CTDSPL: variants seen among roughly 807,000 people sequenced by gnomAD.
CTDSPL encodes the protein CTD small phosphatase like, also known as CTD small phosphatase-like protein.
Under a neutral mutation model 30.5 loss-of-function variants are expected in CTDSPL, and 8 were observed. That is an observed-to-expected ratio of 0.26 (90% confidence interval 0.15 to 0.47). The LOEUF (loss-of-function observed/expected upper bound fraction) is 0.47. CTDSPL is among the 20% of genes least tolerant of loss of function. The pLI is 0.99. For missense variants in CTDSPL, 248 were observed against 366.1 expected (o/e 0.68, Z 2.63); for synonymous variants, 110 against 137.9 (o/e 0.80, Z 1.42).
chr3:37,977,536 A>G (rs1699442255), intron 7 of CTDSPL, among the ~76,000 whole-genome samples: 1 of 151,564 alleles, frequency 6.6e-6, no homozygotes, highest in South Asian at 2.1e-4. Flanking sequence ...TATATCCTCT[A>G]AACAAGTAAT....
intron 6 of CTDSPL, among the ~76,000 whole-genome samples, chr3:37,974,222 G>A (rs1422932585): frequency 6.6e-6 from 1 of 152,224 alleles, no homozygotes; most frequent in African/African-American, 2.4e-5. Context: ...GCAGATGACT[G>A]TAGTGCCCTG....
chr3:37,948,361 A>G (rs1699067068), intron 2 of CTDSPL, among the ~76,000 whole-genome samples: 2 of 152,254 alleles, frequency 1.3e-5, no homozygotes, highest in South Asian at 4.1e-4. Context: ...AAATTAAAAG[A>G]AAACAAGGGT....
intron 5 of CTDSPL, 152 bp from the exon 6 acceptor site, chr3:37,971,255 T>C: frequency 1.6e-6 from 1 of 644,976 alleles, no homozygotes; most frequent in South Asian, 1.9e-5. Context: ...CCATAGCCCC[T>C]CATACAGTCT....
chr3:37,881,046 G>T (rs1012823749), intron 1 of CTDSPL, among the ~76,000 whole-genome samples: 1 of 149,650 alleles, frequency 6.7e-6, no homozygotes, highest in Non-Finnish European at 1.5e-5. Flanking sequence ...AAGAAAGAAA[G>T]AAATGTACTG....
rs377342662 is a variant in CTDSPL, at chr3:37,951,172, C to G, written c.234+3961C>G. Among the ~76,000 whole-genome samples the G allele has an allele frequency of 1.3e-4, 19 of 150,924 alleles. No individual in the cohort carries two copies. The South Asian group carries it at 2.7e-3, about 22-fold the overall frequency. On this transcript the variant is annotated intron_variant, in intron 2 of 7. Transcript: ENST00000273179. ...CACGAGGTCAGGAGATCGAGACCAT[C>G]CTGGCTAACACAGTGAAACTCCGTC...
intron 1 of CTDSPL, among the ~76,000 whole-genome samples, chr3:37,898,876 T>C (rs62239972): frequency 0.059 from 8,978 of 152,232 alleles, 299 homozygotes; most frequent in African/African-American, 0.082. Context: ...AGAAGCCTCA[T>C]ATCTTATGGG....
intron 1 of CTDSPL, among the ~76,000 whole-genome samples, chr3:37,871,262 T>C (rs1698068641): frequency 6.6e-6 from 1 of 152,248 alleles, no homozygotes; most frequent in African/African-American, 2.4e-5. Flanking sequence ...CATTTTCATT[T>C]CCTCCATGTC....
At chr3:37,905,298 A>T (rs192396300) in intron 1 of CTDSPL, among the ~76,000 whole-genome samples, 1 of 152,258 alleles carries the variant, frequency 6.6e-6, no homozygotes, top group African/African-American at 2.4e-5. Flanking sequence ...TATAGAATAT[A>T]TAAAGGAAAT....
intron 1 of CTDSPL, among the ~76,000 whole-genome samples, chr3:37,865,428 C>T (rs1054451508): frequency 6.6e-6 from 1 of 152,070 alleles, no homozygotes; most frequent in Non-Finnish European, 1.5e-5. Flanking sequence ...TAAATGACTG[C>T]CAATGTTCAA....
chr3:37,889,696 C>G (rs533372936), intron 1 of CTDSPL, among the ~76,000 whole-genome samples: 194 of 152,236 alleles, frequency 1.3e-3, no homozygotes, highest in African/African-American at 4.4e-3. Flanking sequence ...TTAGCCACAC[C>G]TAGGCACATT....
rs1349469814 is a variant in CTDSPL, at chr3:37,971,541, C to T, written c.519+42C>T. 2.6e-6 allele frequency: 4 copies of T among 1,552,956 alleles called. No homozygotes were observed. In the South Asian group the frequency reaches 4.5e-5, roughly 17 times the overall value. On this transcript the variant is annotated intron_variant, in intron 6 of 7. Transcript: ENST00000273179. ...AGCCCCACACTCCCAGCCTGGTACT[C>T]CCAGCCCCTCCACCCCTACCCCCAA...
intron 7 of CTDSPL, among the ~76,000 whole-genome samples, chr3:37,980,447 A>G (rs1699476824): frequency 6.6e-6 from 1 of 152,214 alleles, no homozygotes; most frequent in Admixed American, 6.5e-5. Flanking sequence ...TAGCAAGGCT[A>G]GTTCTCATAC....
rs778471490 is a variant in CTDSPL at position 37,947,117 on chromosome 3, T to C, written c.140T>C (p.Phe47Ser). 1.2e-6 allele frequency: 2 copies of C among 1,613,762 alleles called. No individual in the cohort carries two copies. The highest frequency in any genetic ancestry group is 1.1e-5 in the South Asian group (1 of 91,052). Reference protein sequence around the residue: ...QRSRSILSSFFCCFRDYNVEA... With the variant: ...QRSRSILSSFSCCFRDYNVEA... ...AGCCGCAGCATCCTTAGCTCCTTCT[T>C]CTGCTGCTTCCGTGATTACAATGTG... Residue 47 changes from phenylalanine (F) to serine (S), a missense_variant, in exon 2 of 8, where the codon TTC becomes TCC. Physicochemically the swap from Phe to Ser is radical, Grantham distance 155. Around this residue, in one of 4 missense-constraint regions of CTDSPL, gnomAD observed 118 missense variants for 124.7 expected, o/e 0.95. Transcript: ENST00000273179.
At chr3:37,968,168 A>G in intron 5 of CTDSPL, 2 of 456,162 alleles carry the variant, frequency 4.4e-6, no homozygotes, top group Non-Finnish European at 8.2e-6. Context: ...GCCTAGCTTG[A>G]TGGTCTAATT....
chr3:37,881,309 G>A (rs187809473), intron 1 of CTDSPL, among the ~76,000 whole-genome samples: 3 of 152,146 alleles, frequency 2.0e-5, no homozygotes, highest in African/African-American at 4.8e-5. Flanking sequence ...CAGGCAGATC[G>A]CTTGAGGTTA....
intron 3 of CTDSPL, among the ~76,000 whole-genome samples, chr3:37,961,047 A>G (rs1182792419): frequency 6.6e-6 from 1 of 152,082 alleles, no homozygotes; most frequent in Non-Finnish European, 1.5e-5. Context: ...TAGTATTTTA[A>G]TAGTTTTTAA....
At chr3:37,935,322 GT>G (rs773642591) in intron 1 of CTDSPL, among the ~76,000 whole-genome samples, 20 of 149,072 alleles carry the variant, frequency 1.3e-4, no homozygotes, top group Admixed American at 3.3e-4. Context: ...CATTTAATAG[GT>G]TAAAAAAAAA....
chr3:37,886,972 C>T (rs1252953708), intron 1 of CTDSPL, among the ~76,000 whole-genome samples: 1 of 152,136 alleles, frequency 6.6e-6, no homozygotes, highest in Non-Finnish European at 1.5e-5. Context: ...TTCTTTGGTT[C>T]GGCTTTCTCT....
chr3:37,881,308 C>T (rs1303254148), intron 1 of CTDSPL, among the ~76,000 whole-genome samples: 2 of 152,224 alleles, frequency 1.3e-5, no homozygotes, highest in South Asian at 2.1e-4. Context: ...GCAGGCAGAT[C>T]GCTTGAGGTT....
Sources: gnomAD v4.1 joint callset for allele counts (sites outside exome capture counted in the v4.1 genomes callset) on GRCh38, gnomAD v4.1.1 for gene constraint, gnomAD v4.1.1 regional missense constraint, MANE v1.5 for transcripts, NCBI Gene and HGNC (gene_info 2026-07-23, HGNC 2026-07-21) for gene names.